Variants in GPC6 observed in about 807,000 individuals in gnomAD.
GPC6 encodes the protein glypican 6, also known as glypican-6.
Under a neutral mutation model 55.2 loss-of-function variants are expected in GPC6, and 14 were observed. The ratio of observed to expected loss-of-function variants is 0.25; its 90% CI spans 0.17 to 0.40. The LOEUF is 0.40. Ranked by LOEUF, GPC6 falls within the 10% of genes least tolerant of loss-of-function variation. The pLI is 1.00. For missense variants in GPC6, 641 were observed against 708.5 expected (o/e 0.90, Z 1.08); for synonymous variants, 278 against 259.6 (o/e 1.07, Z -0.68).
chr13:93,815,109 A>G (rs1357799425), intron 2 of GPC6, among the ~76,000 whole-genome samples: 1 of 152,194 alleles, frequency 6.6e-6, no homozygotes, highest in Non-Finnish European at 1.5e-5. Context: ...TAATATTCAG[A>G]TACCTTCTTG....
At chr13:93,399,277 A>T (rs1209152555) in intron 1 of GPC6, among the ~76,000 whole-genome samples, 1 of 152,158 alleles carries the variant, frequency 6.6e-6, no homozygotes, top group African/African-American at 2.4e-5. Context: ...CACCTATTGC[A>T]ATTTGTAATC....
At chr13:93,452,592 T>C (rs2813617) in intron 1 of GPC6, among the ~76,000 whole-genome samples, 145,426 of 152,348 alleles carry the variant, frequency 0.95, 69,780 homozygotes, top group East Asian at 1. Context: ...CTATACAACT[T>C]GTCTTTTTGT....
chr13:93,899,951 A>G (rs1354270772), intron 3 of GPC6, among the ~76,000 whole-genome samples: 1 of 152,194 alleles, frequency 6.6e-6, no homozygotes, highest in African/African-American at 2.4e-5. Flanking sequence ...ATAATACATT[A>G]GATAATTATG....
intron 4 of GPC6, among the ~76,000 whole-genome samples, chr13:94,051,932 A>G (rs2138754628): frequency 6.6e-6 from 1 of 152,334 alleles, no homozygotes; most frequent in East Asian, 1.9e-4. Context: ...AACAATATTC[A>G]GTAAATATCT....
At chr13:93,246,856 G>T (rs1231035057) in intron 1 of GPC6, among the ~76,000 whole-genome samples, 2 of 147,162 alleles carry the variant, frequency 1.4e-5, no homozygotes, top group Non-Finnish European at 3.0e-5. Flanking sequence ...TAAATGACAG[G>T]CCTTACATTT....
At chr13:94,064,223 A>C (rs990817987) in intron 4 of GPC6, among the ~76,000 whole-genome samples, 6 of 152,208 alleles carry the variant, frequency 3.9e-5, no homozygotes, top group African/African-American at 1.2e-4. Flanking sequence ...CAAGCTGGCT[A>C]TTATATTCAC....
chr13:93,850,197 A>G (rs1286370007), intron 3 of GPC6, among the ~76,000 whole-genome samples: 2 of 151,928 alleles, frequency 1.3e-5, no homozygotes, highest in Admixed American at 6.6e-5. Flanking sequence ...ACACCAGTGC[A>G]TATGTTTATT....
chr13:93,777,091 A>G (rs1223522969), intron 2 of GPC6, among the ~76,000 whole-genome samples: 5 of 152,134 alleles, frequency 3.3e-5, no homozygotes, highest in Non-Finnish European at 7.4e-5. Flanking sequence ...CCATTCCTCA[A>G]TCTTCTGACC....
intron 7 of GPC6, among the ~76,000 whole-genome samples, chr13:94,385,848 A>AT (rs977333402): frequency 2.0e-5 from 3 of 152,148 alleles, no homozygotes; most frequent in Admixed American, 6.5e-5. Context: ...AGATAATAAC[A>AT]TTTTTTCACA....
At chr13:93,407,921 A>T (rs188036872) in intron 1 of GPC6, among the ~76,000 whole-genome samples, 1 of 152,324 alleles carries the variant, frequency 6.6e-6, no homozygotes, top group African/African-American at 2.4e-5. Flanking sequence ...TCTTGGAAAC[A>T]CATGGAGGAT....
intron 3 of GPC6, among the ~76,000 whole-genome samples, chr13:93,865,290 C>A (rs903670606): frequency 2.0e-5 from 3 of 151,594 alleles, no homozygotes; most frequent in African/African-American, 7.3e-5. Flanking sequence ...AAATAAAAAG[C>A]AAGTTTTCTA....
intron 1 of GPC6, among the ~76,000 whole-genome samples, chr13:93,307,479 A>G (rs1878896374): frequency 6.6e-6 from 1 of 152,184 alleles, no homozygotes; most frequent in Non-Finnish European, 1.5e-5. Flanking sequence ...AAAGTTAAAA[A>G]TACTCAAAAT....
intron 1 of GPC6, among the ~76,000 whole-genome samples, chr13:93,285,642 G>GTGTGTGTA (rs1566279929): frequency 1.3e-5 from 2 of 150,796 alleles, no homozygotes; most frequent in African/African-American, 4.9e-5. Context: ...GTGTGTGTGT[G>GTGTGTGTA]TGTGTGTGTG....
At chr13:94,179,474 T>C (rs1193037111) in intron 4 of GPC6, among the ~76,000 whole-genome samples, 1 of 152,198 alleles carries the variant, frequency 6.6e-6, no homozygotes, top group Non-Finnish European at 1.5e-5. Flanking sequence ...TTTTTTTCAA[T>C]GATTCTCCAT....
intron 1 of GPC6, among the ~76,000 whole-genome samples, chr13:93,325,108 G>T (rs557711744): frequency 1.3e-5 from 2 of 151,444 alleles, no homozygotes; most frequent in South Asian, 4.2e-4. Context: ...TGAAAAATTT[G>T]CATGCTTAGG....
chr13:94,091,908 T>TTGTGTGTGTG (rs61061006), intron 4 of GPC6, among the ~76,000 whole-genome samples: 2,394 of 148,474 alleles, frequency 0.016, 41 homozygotes, highest in South Asian at 0.047. Context: ...GTGTGTGTGT[T>TTGTGTGTGTG]TGTGTGTGTG....
intron 4 of GPC6, among the ~76,000 whole-genome samples, chr13:94,254,451 ATATCCCAGCATTTTACTT>A (rs1159814822): frequency 1.1e-3 from 169 of 152,114 alleles, no homozygotes; most frequent in Non-Finnish European, 3.7e-4. Flanking sequence ...TATTCCAAAC[ATATCCCAGCATTTTACTT>A]TATCACCATC....
chr13:93,359,952 G>T (rs1435504817), intron 1 of GPC6, among the ~76,000 whole-genome samples: 2 of 152,084 alleles, frequency 1.3e-5, no homozygotes, highest in African/African-American at 4.8e-5. Flanking sequence ...AATATAAGCT[G>T]TTATGCCTTC....
chr13:93,870,734 C>T (rs1889106524), intron 3 of GPC6, among the ~76,000 whole-genome samples: 1 of 151,788 alleles, frequency 6.6e-6, no homozygotes, highest in Non-Finnish European at 1.5e-5. Flanking sequence ...CGTGAACCTA[C>T]ATGGAGAAGA....
Sources: gnomAD v4.1 joint callset for allele counts (sites outside exome capture counted in the v4.1 genomes callset) on GRCh38, gnomAD v4.1.1 for gene constraint, MANE v1.5 for transcripts, NCBI Gene and HGNC (gene_info 2026-07-23, HGNC 2026-07-21) for gene names.